Variants in TACC2 observed in about 807,000 individuals in gnomAD.
TACC2 encodes transforming acidic coiled-coil-containing protein 2.
In TACC2, 137 loss-of-function variants were observed where a neutral mutation model predicts 227.3. The ratio of observed to expected loss-of-function variants is 0.60; its 90% confidence interval spans 0.52 to 0.69. The LOEUF is 0.69. TACC2 is among the 30% of genes least tolerant of loss of function. The probability of loss-of-function intolerance (pLI) is 0.00; values close to 1 mark genes in which losing one functional copy is unlikely to be tolerated. For synonymous variants in TACC2, 1,523 were observed against 1,487.5 expected (o/e 1.02, Z -0.55); for missense variants, 3,470 against 3,694.4 (o/e 0.94, Z 1.57).
intron 2 of TACC2, among the ~76,000 whole-genome samples, chr10:122,041,465 G>C (rs530407980): frequency 9.5e-6 from 1 of 105,602 alleles, no homozygotes. Flanking sequence ...TTCTCGTAAC[G>C]AGACAGAGTC....
Position 122,086,388 on chromosome 10 carries a change from A to G in TACC2, c.3888A>G (p.Gln1296=). The G allele has an allele frequency of 6.2e-7, 1 of 1,613,620 alleles. No individual in the cohort carries two copies. Among genetic ancestry groups the G allele is most frequent in the African/African-American group, 1.3e-5 (1 of 75,046 alleles). The change falls in exon 4 of 23, where the codon CAA becomes CAG. Residue 1296 remains glutamine, a synonymous_variant. Coordinates refer to ENST00000369005, the MANE Select transcript of TACC2 (RefSeq NM_206862.4). ...CTGGCTCCCTCGCCCCCCTGTTGCA[A>G]CCAGGAGCTGCAGGTGGGGAAATCC... is the stretch of plus-strand genomic sequence containing the variant. ...LFAGSLAPLL[Q]PGAAGGEIPA... is the part of the protein sequence containing the mutation.
intron 5 of TACC2, among the ~76,000 whole-genome samples, chr10:122,110,777 CA>C (rs1163949797): frequency 3.0e-5 from 4 of 131,836 alleles, no homozygotes; most frequent in Admixed American, 1.6e-4. Context: ...CTGTGATTGC[CA>C]TAATAAATTA....
intron 7 of TACC2, among the ~76,000 whole-genome samples, chr10:122,167,092 C>A (rs1252897986): frequency 2.0e-5 from 3 of 152,222 alleles, no homozygotes; most frequent in Non-Finnish European, 4.4e-5. Flanking sequence ...TCCACCAAAT[C>A]CCCACACCCT....
At chr10:122,191,704 T>G (rs778032427) in intron 7 of TACC2, among the ~76,000 whole-genome samples, 13 of 152,260 alleles carry the variant, frequency 8.5e-5, no homozygotes, top group Non-Finnish European at 1.5e-4. Flanking sequence ...GGACATAGCA[T>G]ATGCATAGTC....
chr10:122,106,015 C>A (rs992514973), intron 5 of TACC2, among the ~76,000 whole-genome samples: 1 of 138,654 alleles, frequency 7.2e-6, no homozygotes, highest in African/African-American at 2.7e-5. Flanking sequence ...GAGATGGGGT[C>A]TCGCTCTTGT....
chr10:122,142,470 T>C (rs763486818), intron 6 of TACC2, among the ~76,000 whole-genome samples: 2 of 152,204 alleles, frequency 1.3e-5, no homozygotes, highest in East Asian at 3.8e-4. Flanking sequence ...GAGTCCTCTG[T>C]CCAGTGTACA....
chr10:122,047,047 T>C (rs1328857816), intron 2 of TACC2, among the ~76,000 whole-genome samples: 2 of 151,608 alleles, frequency 1.3e-5, no homozygotes, highest in African/African-American at 4.8e-5. Context: ...TTCCAGCACT[T>C]TGGGAGGCTG....
At chr10:122,157,084 C>A (rs1040245474) in intron 7 of TACC2, among the ~76,000 whole-genome samples, 10 of 152,264 alleles carry the variant, frequency 6.6e-5, no homozygotes, top group African/African-American at 2.4e-4. Context: ...CGCTCTCCAG[C>A]CTGGGTGACA....
rs762000937 is a variant in TACC2, at chr10:122,087,946, C to G, written c.5446C>G (p.Leu1816Val). 6.6e-7 allele frequency: 1 copy of G among 1,504,348 alleles called. No individual in the cohort carries two copies. The highest frequency in any genetic ancestry group is 2.3e-5 in the Admixed American group (1 of 42,994). 93.2% of individuals were successfully genotyped at this position (1,504,348 alleles called of 1,614,324 possible). A position where few individuals can be genotyped will look rare whatever the true frequency, so the allele number is the denominator to read the frequency against. ...GCTGCAACATTTGGCTCCAGAAGAG[C>G]TCCACACTGACAGGTACTTAAATGA... is the stretch of plus-strand genomic sequence containing the variant. ...PKLQHLAPEE[L>V]HTDRESPRPG... Residue 1816 changes from leucine (L) to valine (V), a missense_variant, in exon 4 of 23, where the codon CTC becomes GTC. Physicochemically the swap from Leu to Val is conservative, Grantham distance 32 (BLOSUM62 1). This residue lies in a region of TACC2 where 1,924 missense variants were observed against 1,978.3 expected (regional missense o/e 0.97). Coordinates refer to ENST00000369005, the MANE Select transcript of TACC2 (RefSeq NM_206862.4).
At chr10:122,236,364 G>C (rs148945739) in intron 16 of TACC2, among the ~76,000 whole-genome samples, 62 of 152,236 alleles carry the variant, frequency 4.1e-4, no homozygotes, top group African/African-American at 1.4e-3. Flanking sequence ...CTGCCTGTTA[G>C]AGCACTCTAG....
chr10:122,239,176 G>A (rs1027632291), intron 18 of TACC2, among the ~76,000 whole-genome samples: 1 of 151,690 alleles, frequency 6.6e-6, no homozygotes, highest in Non-Finnish European at 1.5e-5. Context: ...GCTAATTTTT[G>A]TTTTGTATTT....
Position 122,211,392 on chromosome 10 carries a change from G to A in TACC2, c.6967G>A (p.Ala2323Thr). ...NTPASPPRSP[A>T]EPNDIPIAKG... ...TCCTGCCTCACCTCCCAGATCCCCT[G>A]CTGAACCCAATGACATCCCCATTGC... is the stretch of plus-strand genomic sequence containing the variant. The change falls in exon 9 of 23, where the codon GCT becomes ACT. Residue 2323 changes from alanine (A) to threonine (T), a missense_variant. Physicochemically the swap from Ala to Thr is moderately conservative, Grantham distance 58. Transcript: ENST00000369005. The A allele has an allele frequency of 6.2e-7, 1 of 1,613,978 alleles. No individual in the cohort carries two copies. Among genetic ancestry groups the A allele is most frequent in the Non-Finnish European group, 8.5e-7 (1 of 1,179,996 alleles).
chr10:122,241,541 T>G (rs2095993989), intron 18 of TACC2: 1 of 183,268 alleles, frequency 5.5e-6, no homozygotes. Context: ...ACCTTCTGCC[T>G]TAGCCTCTTG....
At chr10:122,059,607 G>A (rs988320222) in intron 3 of TACC2, among the ~76,000 whole-genome samples, 5 of 151,960 alleles carry the variant, frequency 3.3e-5, no homozygotes, top group African/African-American at 9.7e-5. Context: ...TTCTGTGCCT[G>A]CTCCTGCACT....
At chr10:122,078,661 T>A (rs536325345) in intron 3 of TACC2, among the ~76,000 whole-genome samples, 2 of 152,344 alleles carry the variant, frequency 1.3e-5, no homozygotes, top group Admixed American at 1.3e-4. Flanking sequence ...CAACTCAATC[T>A]CGAAGCATAA....
intron 1 of TACC2, among the ~76,000 whole-genome samples, chr10:122,006,831 A>G (rs1013238679): frequency 1.4e-5 from 2 of 143,180 alleles, no homozygotes; most frequent in Non-Finnish European, 3.0e-5. Context: ...TCTTTATGCC[A>G]TTTCTTATCC....
intron 5 of TACC2, among the ~76,000 whole-genome samples, chr10:122,113,791 A>G (rs1196414392): frequency 5.3e-5 from 8 of 152,236 alleles, no homozygotes; most frequent in Non-Finnish European, 1.2e-4. Flanking sequence ...GGCCGAGCGC[A>G]CTTCGGGGAT....
intron 7 of TACC2, among the ~76,000 whole-genome samples, chr10:122,161,394 T>C (rs959351982): frequency 2.0e-5 from 3 of 152,236 alleles, no homozygotes; most frequent in Non-Finnish European, 4.4e-5. Context: ...GGTACTATAC[T>C]TGGGGGGAAA....
At chr10:122,130,864 C>CTTG (rs138075643) in intron 5 of TACC2, among the ~76,000 whole-genome samples, 49,462 of 151,892 alleles carry the variant, frequency 0.33, 11,369 homozygotes, top group African/African-American at 0.66. Context: ...TTAGGAAACA[C>CTTG]TTGTTACTGA....
Sources: allele counts gnomAD v4.1 joint callset (sites outside exome capture counted in the v4.1 genomes callset), GRCh38; gene constraint gnomAD v4.1.1; regional missense constraint gnomAD v4.1.1; transcripts MANE v1.5; gene names NCBI Gene and HGNC (gene_info 2026-07-23, HGNC 2026-07-21).